XXYLT1: variants seen among roughly 807,000 people sequenced by gnomAD.
XXYLT1 encodes the protein xyloside xylosyltransferase 1.
A neutral mutation model predicts 28.9 loss-of-function variants in XXYLT1; 20 were observed. The ratio of observed to expected loss-of-function variants is 0.69; its 90% CI spans 0.49 to 1.00. The LOEUF is 1.00. Ranked by LOEUF, XXYLT1 falls within the 50% of genes least tolerant of loss-of-function variation. XXYLT1 has a pLI of 0.00. For synonymous variants in XXYLT1, 257 were observed against 253.8 expected, an observed-to-expected ratio of 1.01 and a Z score of -0.12; for missense variants, 542 against 560.1, an observed-to-expected ratio of 0.97 and a Z score of 0.33.
At chr3:195,241,159 T>G (rs11926961) in intron 1 of XXYLT1, among the ~76,000 whole-genome samples, 4,004 of 152,270 alleles carry the variant, frequency 0.026, 195 homozygotes, top group African/African-American at 0.091. Flanking sequence ...ACTTGGCACA[T>G]TCCCAAGGAG....
At chr3:195,073,368 T>C (rs1044459124) in intron 3 of XXYLT1, among the ~76,000 whole-genome samples, 1 of 152,168 alleles carries the variant, frequency 6.6e-6, no homozygotes, top group Non-Finnish European at 1.5e-5. Flanking sequence ...GCTGACAACG[T>C]ATATTCAGGG....
intron 3 of XXYLT1, among the ~76,000 whole-genome samples, chr3:195,099,602 G>T (rs904603059): frequency 6.6e-6 from 1 of 152,118 alleles, no homozygotes; most frequent in African/African-American, 2.4e-5. Context: ...AGGCCGAGGC[G>T]GGTGGATTAC....
chr3:195,194,099 A>T lies in XXYLT1; in HGVS notation c.652+32610T>A, dbSNP rs953592720. Among the ~76,000 whole-genome samples, 23 of 152,104 alleles carry T rather than the reference A, an allele frequency of 1.5e-4. No homozygotes were observed. The East Asian group carries it at 4.4e-3, about 29-fold the overall frequency. ...AAATTTTGTGCATAAAAAATAAATC[A>T]ATATTAAAATGAAAATAAGCCACAG... On this transcript the variant is annotated intron_variant, in intron 2 of 3. Transcript: ENST00000310380.
chr3:195,110,858 A>AGTGTGTGTGTGGTGT (rs1553804041), intron 3 of XXYLT1, among the ~76,000 whole-genome samples: 1 of 11,876 alleles, frequency 8.4e-5, no homozygotes, highest in East Asian at 9.0e-4. Flanking sequence ...GTGTTGTATA[A>AGTGTGTGTGTGGTGT]GTGTGTGTGT....
rs571354982 is a variant in XXYLT1, at chr3:195,256,084, C to T, written c.504+14471G>A. Among the ~76,000 whole-genome samples, 169 of 152,282 alleles carry T rather than the reference C, an allele frequency of 1.1e-3. 1 individual carries two copies. The highest frequency in any genetic ancestry group is 1.9e-3 in the Non-Finnish European group (132 of 68,006). On this transcript the variant is annotated intron_variant, in intron 1 of 3. Transcript: ENST00000310380. The surrounding 1 kb of genome is among the most constrained non-coding windows in gnomAD (Gnocchi z 4.2). ...CCGTGGGAACCCTTCTGGTGGGGCC[C>T]CAGCTCTCACAGAGCATTCCTGGCT...
chr3:195,115,820 C>G lies in XXYLT1; in HGVS notation c.785+40629G>C, dbSNP rs74550363. Among the ~76,000 whole-genome samples the G allele has an allele frequency of 6.6e-6, 1 of 152,002 alleles. No individual in the cohort carries two copies. Among genetic ancestry groups the G allele is most frequent in the African/African-American group, 2.4e-5 (1 of 41,394 alleles). On this transcript the variant is annotated intron_variant, in intron 3 of 3. Transcript: ENST00000310380. This position sits in a 1 kb window ranked among gnomAD's most constrained non-coding sequence, Gnocchi z 4.2. ...TAACTAACAGTGCTTTGTCAGAGGG[C>G]GAGAGGGTCTGATGGGGGCAGCTCT...
In XXYLT1 at chr3:195,176,402, G is replaced by A. The variant is rs1027106346; in HGVS notation, c.653-19821C>T. Among the ~76,000 whole-genome samples the A allele has an allele frequency of 3.9e-5, 6 of 152,108 alleles. No homozygotes were observed. Among genetic ancestry groups the A allele is most frequent in the Non-Finnish European group, 7.4e-5 (5 of 68,026 alleles). On this transcript the variant is annotated intron_variant, in intron 2 of 3. Transcript: ENST00000310380. This position sits in a 1 kb window ranked among gnomAD's most constrained non-coding sequence, Gnocchi z 4.9. ...TGTAGAATGCTTAAATCCCCTCCCAGTAATTCTGATCCTCTGTGATCACAC... is the reference window on the plus strand; with the variant it reads ...TGTAGAATGCTTAAATCCCCTCCCAATAATTCTGATCCTCTGTGATCACAC...
chr3:195,161,663 C>G (rs567761600), intron 2 of XXYLT1, among the ~76,000 whole-genome samples: 43 of 139,028 alleles, frequency 3.1e-4, no homozygotes, highest in Middle Eastern at 4.1e-3. Context: ...GAGATGGAGT[C>G]TTGCTCTGTC....
At position 195,150,313 on chromosome 3, in the gene XXYLT1, A is replaced by G. The variant is rs1305525540; in HGVS notation, c.785+6136T>C. On this transcript the variant is annotated intron_variant, in intron 3 of 3. Transcript: ENST00000310380. This position sits in a 1 kb window ranked among gnomAD's most constrained non-coding sequence, Gnocchi z 4.7. ...CTTGCCCAAGGTCACACAGCAACTG[A>G]GTGGTAGAGGTAGTCAGTCCACACC... is the stretch of plus-strand genomic sequence containing the variant. 1.3e-5 allele frequency among the ~76,000 whole-genome samples: 2 copies of G among 152,188 alleles called. No individual in the cohort carries two copies. The highest frequency in any genetic ancestry group is 4.8e-5 in the African/African-American group (2 of 41,434).
intron 3 of XXYLT1, among the ~76,000 whole-genome samples, chr3:195,110,715 G>GGT (rs760229779): frequency 1.4e-5 from 2 of 140,806 alleles, no homozygotes; most frequent in Non-Finnish European, 1.5e-5. Flanking sequence ...TGGTGTGTGT[G>GGT]GTGTGTGTGT....
intron 2 of XXYLT1, among the ~76,000 whole-genome samples, chr3:195,161,589 A>G (rs183580773): frequency 3.9e-5 from 6 of 152,086 alleles, no homozygotes; most frequent in African/African-American, 1.4e-4. Context: ...ATGCCCTTGT[A>G]TCACCGAATC....
intron 2 of XXYLT1, among the ~76,000 whole-genome samples, chr3:195,177,280 T>C (rs111965782): frequency 0.019 from 2,911 of 152,360 alleles, 94 homozygotes; most frequent in African/African-American, 0.067. Flanking sequence ...AGGTATGGAC[T>C]GTATCTTGCC....
chr3:195,120,286 C>CCCG (rs1553805992), intron 3 of XXYLT1, among the ~76,000 whole-genome samples: 2 of 129,628 alleles, frequency 1.5e-5, no homozygotes, highest in Non-Finnish European at 3.4e-5. Flanking sequence ...GCTCAGATGC[C>CCCG]CCCCCCGCCC....
At position 195,255,701 on chromosome 3, in the gene XXYLT1, C is replaced by T. The variant is rs1725452741; in HGVS notation, c.504+14854G>A. Among the ~76,000 whole-genome samples, 1 of 152,050 alleles carries T rather than the reference C, an allele frequency of 6.6e-6. No homozygotes were observed. Among genetic ancestry groups the T allele is most frequent in the Admixed American group, 6.5e-5 (1 of 15,268 alleles). On this transcript the variant is annotated intron_variant, in intron 1 of 3. Coordinates refer to ENST00000310380, the MANE Select transcript of XXYLT1 (RefSeq NM_152531.5). This position sits in a 1 kb window ranked among gnomAD's most constrained non-coding sequence, Gnocchi z 4.5. ...CATGAGTGCAGGGAACCAGAGAGGG[C>T]ACAGGAGAGCTGCTCCCAGTCTCCC...
rs1227626177 is a variant in XXYLT1 at position 195,077,327 on chromosome 3, A to G, written c.786-7216T>C. ...ATCTCAACCCAGAGGCAGTGCCGCA[A>G]TAACATGGATGGAATGGGGAAGATG... On this transcript the variant is annotated intron_variant, in intron 3 of 3. Transcript: ENST00000310380. This position sits in a 1 kb window ranked among gnomAD's most constrained non-coding sequence, Gnocchi z 4.8. Among the ~76,000 whole-genome samples the G allele has an allele frequency of 6.6e-5, 10 of 152,206 alleles. No homozygotes were observed. Among genetic ancestry groups the G allele is most frequent in the Admixed American group, 6.5e-4 (10 of 15,284 alleles).
At chr3:195,221,989 G>A (rs1366102199) in intron 2 of XXYLT1, among the ~76,000 whole-genome samples, 6 of 152,262 alleles carry the variant, frequency 3.9e-5, no homozygotes, top group African/African-American at 9.6e-5. Context: ...GGACCCCTTC[G>A]TTCTTCCTGA....
intron 2 of XXYLT1, among the ~76,000 whole-genome samples, chr3:195,193,098 C>T (rs1010683007): frequency 3.3e-5 from 5 of 152,000 alleles, no homozygotes; most frequent in African/African-American, 1.2e-4. Flanking sequence ...TCAGCCTGGC[C>T]AACGTGGTGA....
chr3:195,120,303 C>CCCCCCCCCCCCCCT (rs1560106289), intron 3 of XXYLT1, among the ~76,000 whole-genome samples: 11 of 142,142 alleles, frequency 7.7e-5, no homozygotes, highest in Admixed American at 1.4e-4. Context: ...GCCCCAGCCC[C>CCCCCCCCCCCCCCT]CATGGCCACA....
chr3:195,116,709 G>C (rs576150680), intron 3 of XXYLT1, among the ~76,000 whole-genome samples: 117 of 152,312 alleles, frequency 7.7e-4, no homozygotes, highest in African/African-American at 2.6e-3. Context: ...GTGCAGAAGG[G>C]AAAGGGAAGG....
Sources: allele counts gnomAD v4.1 joint callset (sites outside exome capture counted in the v4.1 genomes callset), GRCh38; gene constraint gnomAD v4.1.1; non-coding constraint Gnocchi (gnomAD v3.1); transcripts MANE v1.5; gene names NCBI Gene and HGNC (gene_info 2026-07-23, HGNC 2026-07-21).